The following CYRIB variants were observed in gnomAD, a reference collection of about 807,000 sequenced individuals.
CYRIB encodes CYFIP related Rac1 interactor B.
CYRIB carries 8 observed loss-of-function variants against 44.2 expected under a neutral mutation model. That is an observed-to-expected ratio of 0.18 (90% CI 0.11 to 0.33). CYRIB has a LOEUF of 0.33. Among genes scored for constraint, CYRIB ranks in the 10% least tolerant of loss-of-function variants. The probability of loss-of-function intolerance (pLI) is 1.00; values close to 1 mark genes in which losing one functional copy is unlikely to be tolerated. For missense variants in CYRIB, 185 were observed against 382.8 expected (o/e 0.48, Z 4.31); for synonymous variants, 131 against 127.2 (o/e 1.03, Z -0.20).
intron 3 of CYRIB, among the ~76,000 whole-genome samples, chr8:129,874,629 T>G (rs1428370623): frequency 2.0e-5 from 3 of 152,036 alleles, no homozygotes; most frequent in Non-Finnish European, 4.4e-5. Context: ...GTAATACATT[T>G]TGAATGAATG....
intron 1 of CYRIB, among the ~76,000 whole-genome samples, chr8:129,988,104 G>C (rs2096529611): frequency 6.6e-6 from 1 of 152,206 alleles, no homozygotes; most frequent in Admixed American, 6.5e-5. Flanking sequence ...GCCTAAAATG[G>C]CGTCAGCCCC....
At chr8:129,976,055 G>A (rs1294214048) in intron 1 of CYRIB, among the ~76,000 whole-genome samples, 1 of 151,946 alleles carries the variant, frequency 6.6e-6, no homozygotes, top group Non-Finnish European at 1.5e-5. Context: ...GTCCCTAACA[G>A]TGCCTGTTAC....
At chr8:129,959,973 G>A (rs1282453014) in intron 2 of CYRIB, among the ~76,000 whole-genome samples, 2 of 152,166 alleles carry the variant, frequency 1.3e-5, no homozygotes, top group South Asian at 4.1e-4. Flanking sequence ...TACAGAGCTG[G>A]GAGGATCTTA....
At chr8:129,931,923 G>A (rs1001183168) in intron 1 of CYRIB, among the ~76,000 whole-genome samples, 1 of 151,852 alleles carries the variant, frequency 6.6e-6, no homozygotes, top group African/African-American at 2.4e-5. Flanking sequence ...CAGTATGCCT[G>A]GCACTTCTTT....
At chr8:129,900,381 T>C (rs904221177) in intron 2 of CYRIB, among the ~76,000 whole-genome samples, 1 of 152,180 alleles carries the variant, frequency 6.6e-6, no homozygotes, top group African/African-American at 2.4e-5. Context: ...ATGCTGTTTT[T>C]GCTGTTAATC....
At chr8:129,987,581 T>TG (rs2096507734) in intron 1 of CYRIB, among the ~76,000 whole-genome samples, 1 of 148,936 alleles carries the variant, frequency 6.7e-6, no homozygotes, top group Non-Finnish European at 1.5e-5. Context: ...TTTTTTTTTT[T>TG]TTTTATGAGA....
At chr8:129,877,020 A>G (rs1373913599) in intron 3 of CYRIB, among the ~76,000 whole-genome samples, 2 of 152,258 alleles carry the variant, frequency 1.3e-5, no homozygotes, top group African/African-American at 4.8e-5. Context: ...AGGTCACCAT[A>G]GTAGCTTATA....
rs144245090 is a variant in CYRIB, at chr8:129,945,707, A to G, written c.-243+25236T>C. ...CCTCAGCCTCCTGAGTGAGTAGCTG[A>G]GATTACAGGCATGAGCCACCACACC... On this transcript the variant is annotated intron_variant, in intron 2 of 14. Transcript: ENST00000401979. Among the ~76,000 whole-genome samples the G allele has an allele frequency of 4.6e-4, 70 of 152,184 alleles. No individual in the cohort carries two copies. In the South Asian group the frequency reaches 0.01, roughly 22 times the overall value.
At chr8:129,964,022 G>A (rs2095377974) in intron 2 of CYRIB, among the ~76,000 whole-genome samples, 1 of 152,194 alleles carries the variant, frequency 6.6e-6, no homozygotes, top group Admixed American at 6.5e-5. Context: ...CAAGGGAAGG[G>A]GAAGAGAGAA....
At chr8:129,944,722 G>T (rs545123398), upstream of CYRIB, among the ~76,000 whole-genome samples, 1 of 151,684 alleles carries the variant, frequency 6.6e-6, no homozygotes, top group African/African-American at 2.4e-5. Context: ...GGCAGAGGTC[G>T]CAGTGAGCCA....
chr8:129,969,221 C>A (rs1356893831), intron 2 of CYRIB, among the ~76,000 whole-genome samples: 1 of 152,122 alleles, frequency 6.6e-6, no homozygotes, highest in Non-Finnish European at 1.5e-5. Flanking sequence ...GCCATGTTGG[C>A]CAGGCTGGTC....
intron 5 of CYRIB, among the ~76,000 whole-genome samples, chr8:129,858,723 T>TACTC (rs3834371): frequency 0.57 from 86,091 of 151,570 alleles, 25,005 homozygotes; most frequent in African/African-American, 0.69. Context: ...TGAAGGGACT[T>TACTC]ATTATGACCC....
intron 2 of CYRIB, chr8:129,970,526 T>TATTTTGTATTTTTAGTATTTTTAGTAA (rs2095651784): frequency 2.0e-5 from 3 of 149,772 alleles, no homozygotes; most frequent in African/African-American, 7.4e-5. Flanking sequence ...TTCAAGTGAG[T>TATTTTGTATTTTTAGTATTTTTAGTAA]ATTTTGTATT....
At chr8:129,981,658 A>G (rs1179280884) in intron 1 of CYRIB, among the ~76,000 whole-genome samples, 1 of 152,236 alleles carries the variant, frequency 6.6e-6, no homozygotes, top group Admixed American at 6.5e-5. Context: ...TATCTGGTCC[A>G]ACTCCCTGAT....
chr8:129,960,349 C>T lies in CYRIB; in HGVS notation c.-243+10594G>A, dbSNP rs548290182. Among the ~76,000 whole-genome samples the T allele has an allele frequency of 3.5e-3, 530 of 152,276 alleles. 4 individuals are homozygous for T. The highest frequency in any genetic ancestry group is 0.012 in the African/African-American group (508 of 41,554). ...GTAGCTCGTACCTGTAATCCCAGCA[C>T]TTTGGGAGGCCAAGGTGGGTGGATC... On this transcript the variant is annotated intron_variant, in intron 2 of 14. Transcript: ENST00000401979.
intron 2 of CYRIB, among the ~76,000 whole-genome samples, chr8:129,884,782 A>AGGG (rs2062078785): frequency 6.6e-6 from 1 of 152,238 alleles, no homozygotes; most frequent in Non-Finnish European, 1.5e-5. Flanking sequence ...ATAAGCTAAA[A>AGGG]ATAAATTTAA....
intron 1 of CYRIB, among the ~76,000 whole-genome samples, 168 bp from the exon 3 acceptor site, chr8:129,904,753 C>T (rs1563700862): frequency 6.6e-6 from 1 of 152,172 alleles, no homozygotes; most frequent in Non-Finnish European, 1.5e-5. Context: ...CTCTCACTAC[C>T]TAAAATCCTT....
At chr8:129,943,091 C>CCCCCCCCCCTG (rs2093849004), upstream of CYRIB, among the ~76,000 whole-genome samples, 1 of 132,544 alleles carries the variant, frequency 7.5e-6, no homozygotes, top group Non-Finnish European at 1.6e-5. Flanking sequence ...CGCCCACCCG[C>CCCCCCCCCCTG]CCCCCCGCAC....
intron 7 of CYRIB, 116 bp from the exon 10 acceptor site, chr8:129,852,394 C>T (rs925885171): frequency 2.5e-5 from 12 of 473,016 alleles, no homozygotes; most frequent in African/African-American, 8.0e-5. Context: ...TCTCATGTAT[C>T]GATAATACTC....
Sources: allele counts gnomAD v4.1 joint callset (sites outside exome capture counted in the v4.1 genomes callset), GRCh38; gene constraint gnomAD v4.1.1; transcripts MANE v1.5; gene names NCBI Gene and HGNC (gene_info 2026-07-23, HGNC 2026-07-21).